LIPA: variants seen among roughly 807,000 people sequenced by gnomAD.
LIPA encodes the protein lysosomal acid lipase/cholesteryl ester hydrolase.
LIPA carries 26 observed loss-of-function variants against 40.6 expected under a neutral mutation model. The ratio of observed to expected loss-of-function variants is 0.64; its 90% confidence interval spans 0.47 to 0.89. The LOEUF (loss-of-function observed/expected upper bound fraction) is 0.89, where lower values mean the gene tolerates loss of function less well. Ranked by LOEUF, LIPA falls within the 40% of genes least tolerant of loss-of-function variation. The pLI is 0.00. For missense variants in LIPA, 455 were observed against 479.6 expected (o/e 0.95, Z 0.48); for synonymous variants, 188 against 168.4 (o/e 1.12, Z -0.90).
intron 2 of LIPA, among the ~76,000 whole-genome samples, chr10:89,379,120 T>C (rs1211383070): frequency 6.6e-6 from 1 of 152,046 alleles, no homozygotes; most frequent in African/African-American, 2.4e-5. Context: ...AGATGGCTGT[T>C]TTTCTGTTGT....
intron 1 of LIPA, among the ~76,000 whole-genome samples, chr10:89,297,962 C>G (rs1843425061): frequency 6.6e-6 from 1 of 152,238 alleles, no homozygotes; most frequent in South Asian, 2.1e-4. Context: ...TCTCTCTGCA[C>G]AGTGCTGCGG....
chr10:89,379,014 T>A (rs956606153), intron 2 of LIPA, among the ~76,000 whole-genome samples: 1 of 152,348 alleles, frequency 6.6e-6, no homozygotes, highest in Admixed American at 6.5e-5. Context: ...CCTTTTAATA[T>A]ACAAAATACT....
At chr10:89,413,405 C>T (rs1381550754) in intron 1 of LIPA, among the ~76,000 whole-genome samples, 1 of 152,098 alleles carries the variant, frequency 6.6e-6, no homozygotes, top group Non-Finnish European at 1.5e-5. Context: ...GTGCCAGAAG[C>T]TCAGTGATCA....
chr10:89,309,520 G>A lies in LIPA; in HGVS notation c.-2+33091C>T, dbSNP rs563961230. ...AATTAGGACTACATCTGGTGCCTGGGAAGGAACACCACACGTATTCTGAGT... is the reference window on the plus strand; with the variant it reads ...AATTAGGACTACATCTGGTGCCTGGAAAGGAACACCACACGTATTCTGAGT... On this transcript the variant is annotated intron_variant, in intron 1 of 5. Transcript: ENST00000282673. Among the ~76,000 whole-genome samples, 16 of 152,282 alleles carry A rather than the reference G, an allele frequency of 1.1e-4. No homozygotes were observed. The East Asian group carries it at 2.7e-3, about 26-fold the overall frequency.
At chr10:89,389,712 A>G (rs935479385) in intron 2 of LIPA, among the ~76,000 whole-genome samples, 1 of 152,226 alleles carries the variant, frequency 6.6e-6, no homozygotes, top group Non-Finnish European at 1.5e-5. Flanking sequence ...AAATACACTC[A>G]GAATAACATT....
Position 89,358,236 on chromosome 10 carries a change from A to T in LIPA, c.61+54555T>A, listed in dbSNP as rs531867147. On this transcript the variant is annotated intron_variant, in intron 2 of 8. Coordinates refer to the LIPA transcript ENST00000371837. ...CCTGCAGAATCAAAACCACAGTGAG[A>T]TAGCATCTCATCCTGGTTAGAATGG... Among the ~76,000 whole-genome samples, 4 of 152,320 alleles carry T rather than the reference A, an allele frequency of 2.6e-5. No homozygotes were observed. In the South Asian group the frequency reaches 8.3e-4, roughly 32 times the overall value.
intron 1 of LIPA, among the ~76,000 whole-genome samples, chr10:89,327,688 G>A (rs1249286943): frequency 1.3e-5 from 2 of 152,190 alleles, no homozygotes; most frequent in Non-Finnish European, 2.9e-5. Context: ...TTGGCCAAAA[G>A]CAGGGGTCCA....
intron 1 of LIPA, among the ~76,000 whole-genome samples, chr10:89,318,601 A>G (rs1052103313): frequency 4.6e-5 from 7 of 152,194 alleles, no homozygotes; most frequent in Non-Finnish European, 1.0e-4. Flanking sequence ...TAGACTCCCA[A>G]ACAATAATAA....
chr10:89,378,543 A>C (rs1375630474), intron 2 of LIPA, among the ~76,000 whole-genome samples: 1 of 152,212 alleles, frequency 6.6e-6, no homozygotes, highest in Non-Finnish European at 1.5e-5. Context: ...CCTCAAGCAG[A>C]GCACAGTGGG....
At chr10:89,314,224 T>C (rs1247414247) in intron 1 of LIPA, among the ~76,000 whole-genome samples, 1 of 152,242 alleles carries the variant, frequency 6.6e-6, no homozygotes, top group Non-Finnish European at 1.5e-5. Flanking sequence ...GGGTGTGCTA[T>C]GAAAATCTGG....
At chr10:89,232,761 C>G (rs1336024379) in intron 3 of LIPA, among the ~76,000 whole-genome samples, 3 of 152,242 alleles carry the variant, frequency 2.0e-5, no homozygotes, top group Non-Finnish European at 4.4e-5. Flanking sequence ...CCTAAAGTCT[C>G]TGTACTTCCC....
rs560430361 is a variant in LIPA, at chr10:89,396,948, G to A, written c.61+15843C>T. Among the ~76,000 whole-genome samples the A allele has an allele frequency of 2.6e-5, 4 of 152,262 alleles. No individual in the cohort carries two copies. In the East Asian group the frequency reaches 7.7e-4, roughly 29 times the overall value. On this transcript the variant is annotated intron_variant, in intron 2 of 8. Coordinates refer to the LIPA transcript ENST00000371837. ...TTGCTTATCTTTTTGTTGATGAGCTGTAAATATACTTACATATATTTCTCC... is the reference window on the plus strand; with the variant it reads ...TTGCTTATCTTTTTGTTGATGAGCTATAAATATACTTACATATATTTCTCC...
At chr10:89,360,371 T>C (rs1469694577) in intron 2 of LIPA, among the ~76,000 whole-genome samples, 1 of 152,166 alleles carries the variant, frequency 6.6e-6, no homozygotes, top group Admixed American at 6.5e-5. Context: ...CCAAGCATTA[T>C]TGTTCAGATT....
At chr10:89,247,715 T>A in intron 1 of LIPA, 66 bp from the exon 2 acceptor site, 1 of 1,118,392 alleles carries the variant, frequency 8.9e-7, no homozygotes, top group Non-Finnish European at 1.3e-6. Context: ...TCTGGTAACT[T>A]AATGCTCCCA....
chr10:89,222,508 T>C lies in LIPA; in HGVS notation c.894+3A>G. On this transcript the variant is annotated splice_donor_region_variant and intron_variant, in intron 8 of 9. Coordinates refer to ENST00000336233, the MANE Select transcript of LIPA (RefSeq NM_000235.4). The stretch of plus-strand genomic sequence containing the variant: ...ACCCCAAATGCACTCCTGGAATGCC[T>C]ACCTGGCTCCAGTGTAACATGTTTT... 6.2e-7 allele frequency: 1 copy of C among 1,600,032 alleles called. No homozygotes were observed. The highest frequency in any genetic ancestry group is 8.6e-7 in the Non-Finnish European group (1 of 1,167,188).
At chr10:89,386,286 G>A (rs759175633) in intron 2 of LIPA, among the ~76,000 whole-genome samples, 4 of 152,198 alleles carry the variant, frequency 2.6e-5, no homozygotes, top group Admixed American at 6.5e-5. Flanking sequence ...TATGTTACTT[G>A]GATCCTTGAA....
intron 2 of LIPA, among the ~76,000 whole-genome samples, chr10:89,358,670 C>T (rs529071801): frequency 2.0e-5 from 3 of 152,170 alleles, no homozygotes; most frequent in African/African-American, 7.2e-5. Context: ...ATAAGCTAGG[C>T]ACAGAAAGAC....
intron 1 of LIPA, chr10:89,284,550 T>A (rs988418866): frequency 1.3e-5 from 2 of 152,068 alleles, no homozygotes; most frequent in African/African-American, 4.8e-5. Context: ...ATAAAAAGAT[T>A]AGAATCATGA....
chr10:89,330,490 A>T (rs1410647111), intron 1 of LIPA, among the ~76,000 whole-genome samples: 1 of 152,206 alleles, frequency 6.6e-6, no homozygotes, highest in Non-Finnish European at 1.5e-5. Flanking sequence ...CTATCTGGAG[A>T]GTAAGGGCCA....
Sources: gnomAD v4.1 joint callset for allele counts (sites outside exome capture counted in the v4.1 genomes callset) on GRCh38, gnomAD v4.1.1 for gene constraint, MANE v1.5 for transcripts, NCBI Gene and HGNC (gene_info 2026-07-23, HGNC 2026-07-21) for gene names.